The following IMPG1 variants were observed in gnomAD, a reference collection of about 807,000 sequenced individuals.
The protein encoded by IMPG1 is interphotoreceptor matrix proteoglycan of 150 kDa.
IMPG1 carries 85 observed loss-of-function variants against 92.0 expected under a neutral mutation model. The observed-to-expected ratio is 0.92, with a 90% CI of 0.78 to 1.11. The LOEUF is 1.11. Ranked by LOEUF, IMPG1 falls within the 50% of genes least tolerant of loss-of-function variation. The pLI, the probability that IMPG1 is intolerant of heterozygous loss-of-function variation, is 0.00. For synonymous variants in IMPG1, 367 were observed against 334.1 expected (o/e 1.10, Z -1.08); for missense variants, 1,022 against 956.0 (o/e 1.07, Z -0.91).
chr6:76,029,301 C>T (rs1017109496), intron 4 of IMPG1, among the ~76,000 whole-genome samples: 5 of 152,192 alleles, frequency 3.3e-5, no homozygotes, highest in African/African-American at 9.7e-5. Context: ...TGAGAGTCCT[C>T]GTGGAACAGA....
chr6:75,924,688 A>AT (rs1781511206), intron 15 of IMPG1, among the ~76,000 whole-genome samples: 1 of 102 alleles, frequency 9.8e-3, no homozygotes, highest in African/African-American at 0.016. Context: ...TATATATTAT[A>AT]TATAAATAAT....
intron 1 of IMPG1, among the ~76,000 whole-genome samples, chr6:76,051,192 T>C (rs78702616): frequency 0.023 from 3,453 of 152,296 alleles, 116 homozygotes; most frequent in African/African-American, 0.076. Context: ...TCTGCAAATG[T>C]TTCTCTTGTT....
chr6:76,013,488 C>G (rs1033636559), intron 7 of IMPG1, among the ~76,000 whole-genome samples: 2 of 152,164 alleles, frequency 1.3e-5, no homozygotes, highest in East Asian at 3.8e-4. Flanking sequence ...CCAGCTCAGA[C>G]ATCTTCTGTA....
At chr6:76,045,229 T>C (rs1412297983) in intron 1 of IMPG1, among the ~76,000 whole-genome samples, 1 of 152,198 alleles carries the variant, frequency 6.6e-6, no homozygotes, top group Admixed American at 6.5e-5. Context: ...CAAATGGTTG[T>C]TTCTTTCCTC....
At chr6:76,014,209 T>C (rs192014164) in intron 7 of IMPG1, among the ~76,000 whole-genome samples, 1 of 152,356 alleles carries the variant, frequency 6.6e-6, no homozygotes, top group East Asian at 1.9e-4. Flanking sequence ...TTATTTACTT[T>C]CTTATTCTCT....
chr6:75,947,482 G>A lies in IMPG1; in HGVS notation c.1876C>T (p.Leu626Phe), dbSNP rs1051579797. The A allele has an allele frequency of 5.0e-6, 8 of 1,613,776 alleles. No homozygotes were observed. The highest frequency in any genetic ancestry group is 6.8e-6 in the Non-Finnish European group (8 of 1,179,806). ...ATCACACTCCCGTTTCTGAAGTTAA[G>A]TATTTCAAGTTGCTTAAATCCTGTA... ...NLTGFKQLEI[L>F]NFRNGSVIVN... Residue 626 changes from leucine (L) to phenylalanine (F), a missense_variant, in exon 14 of 17, where the codon CTT (leucine) becomes TTT (phenylalanine). By Grantham distance (22) the Leu-to-Phe change is conservative (BLOSUM62 0). Coordinates refer to ENST00000369950, the MANE Select transcript of IMPG1 (RefSeq NM_001563.4).
chr6:76,016,625 G>T (rs1254029872), intron 7 of IMPG1, among the ~76,000 whole-genome samples: 1 of 152,222 alleles, frequency 6.6e-6, no homozygotes, highest in Non-Finnish European at 1.5e-5. Context: ...CTCTCAGGGT[G>T]AGAAGAGGTA....
intron 4 of IMPG1, among the ~76,000 whole-genome samples, chr6:76,031,696 G>C (rs1199402635): frequency 2.6e-5 from 4 of 152,088 alleles, no homozygotes; most frequent in Non-Finnish European, 5.9e-5. Flanking sequence ...TTACTTTACA[G>C]ATCTTTGTTT....
intron 6 of IMPG1, 69 bp from the exon 7 acceptor site, chr6:76,018,927 T>C (rs2149482466): frequency 1.4e-6 from 2 of 1,386,226 alleles, no homozygotes; most frequent in East Asian, 4.8e-5. Context: ...TTTTAGATAA[T>C]ATATGTTGAT....
intron 7 of IMPG1, among the ~76,000 whole-genome samples, chr6:76,015,800 CAAAAAA>C (rs35389302): frequency 3.0e-5 from 2 of 66,744 alleles, no homozygotes; most frequent in Admixed American, 2.0e-4. Flanking sequence ...AACTCTGTCT[CAAAAAA>C]AAAAAAAAAA....
chr6:76,015,714 C>T (rs1260380229), intron 7 of IMPG1, among the ~76,000 whole-genome samples: 2 of 144,810 alleles, frequency 1.4e-5, no homozygotes, highest in African/African-American at 2.5e-5. Flanking sequence ...GCAGGAGAAT[C>T]GCTTGAACCT....
intron 12 of IMPG1, among the ~76,000 whole-genome samples, chr6:75,991,382 C>G (rs115417638): frequency 0.041 from 6,218 of 151,250 alleles, 410 homozygotes; most frequent in African/African-American, 0.14. Context: ...CAGAGCAAGA[C>G]TCTGCCTTGG....
intron 12 of IMPG1, among the ~76,000 whole-genome samples, chr6:75,955,709 C>A (rs1397642914): frequency 6.6e-6 from 1 of 152,154 alleles, no homozygotes; most frequent in Non-Finnish European, 1.5e-5. Context: ...CATCTTTTGC[C>A]CATTCAGTGT....
chr6:75,929,650 G>C (rs956191379), intron 15 of IMPG1, among the ~76,000 whole-genome samples: 9 of 150,720 alleles, frequency 6.0e-5, no homozygotes, highest in Non-Finnish European at 8.8e-5. Context: ...GTATACATAT[G>C]TAACAAACCT....
At chr6:76,049,889 G>A (rs1784007343) in intron 1 of IMPG1, among the ~76,000 whole-genome samples, 1 of 152,148 alleles carries the variant, frequency 6.6e-6, no homozygotes, top group Non-Finnish European at 1.5e-5. Context: ...AAGTTGGGGA[G>A]GTTGGTGTTA....
At position 75,950,891 on chromosome 6, in the gene IMPG1, G is replaced by C; in HGVS notation, c.1495C>G (p.Pro499Ala). Residue 499 changes from proline (P) to alanine (A), a missense_variant, in exon 13 of 17, where the codon CCA becomes GCA. Physicochemically the swap from Pro to Ala is conservative, Grantham distance 27. Coordinates refer to ENST00000369950, the MANE Select transcript of IMPG1 (RefSeq NM_001563.4). ...CGGCTGTCATCTGAAGATGCAGGTG[G>C]ATGTGAAATTCCCAGAGCCAGTTGG... Reference protein sequence around the residue: ...ISQLALGISHPPASSDDSRSS... With the variant: ...ISQLALGISHAPASSDDSRSS... 1 of 1,613,940 alleles carries C rather than the reference G, an allele frequency of 6.2e-7. No individual in the cohort carries two copies. The highest frequency in any genetic ancestry group is 8.5e-7 in the Non-Finnish European group (1 of 1,179,920).
intron 7 of IMPG1, among the ~76,000 whole-genome samples, chr6:76,012,031 G>T (rs2149480122): frequency 6.6e-6 from 1 of 151,226 alleles, no homozygotes; most frequent in South Asian, 2.1e-4. Flanking sequence ...TAATGATATG[G>T]TTTGGAAATT....
chr6:76,072,195 T>C, intron 1 of IMPG1, among the ~76,000 whole-genome samples: 1 of 152,144 alleles, frequency 6.6e-6, no homozygotes, highest in East Asian at 1.9e-4. Flanking sequence ...CATTCATCTC[T>C]CCTATTTTGT....
At chr6:75,950,498 T>C (rs1318225648) in intron 13 of IMPG1, 64 bp downstream of exon 13, 2 of 1,369,550 alleles carry the variant, frequency 1.5e-6, no homozygotes, top group African/African-American at 1.5e-5. Context: ...AATAATTATA[T>C]TATAAAATAA....
Sources: allele counts gnomAD v4.1 joint callset (sites outside exome capture counted in the v4.1 genomes callset), GRCh38; gene constraint gnomAD v4.1.1; transcripts MANE v1.5; gene names NCBI Gene and HGNC (gene_info 2026-07-23, HGNC 2026-07-21).